COPS9: variants seen among roughly 807,000 people sequenced by gnomAD.
COPS9 encodes the protein COP9 signalosome subunit 9.
A neutral mutation model predicts 7.2 loss-of-function variants in COPS9; 8 were observed. The ratio of observed to expected loss-of-function variants is 1.11; its 90% CI spans 0.65 to 2.00. The LOEUF (loss-of-function observed/expected upper bound fraction) is 2.00. Ranked by LOEUF, COPS9 falls within the 30% of genes most tolerant of loss-of-function variation. The pLI, the probability that COPS9 is intolerant of heterozygous loss-of-function variation, is 0.00. For missense variants in COPS9, 74 were observed against 77.7 expected, an observed-to-expected ratio of 0.95 and a Z score of 0.18; for synonymous variants, 39 against 28.7, an observed-to-expected ratio of 1.36 and a Z score of -1.14.
chr2:240,127,836 A>T (rs1430938188), downstream of COPS9, among the ~76,000 whole-genome samples: 2 of 152,152 alleles, frequency 1.3e-5, no homozygotes, highest in African/African-American at 4.8e-5. Context: ...GGGACCAGGC[A>T]TCCCTCGATC....
downstream of COPS9, among the ~76,000 whole-genome samples, chr2:240,130,412 C>A (rs1178310888): frequency 1.3e-5 from 2 of 152,264 alleles, no homozygotes; most frequent in Admixed American, 6.5e-5. Flanking sequence ...ATGGGCGTTA[C>A]ACTCTCCTTT....
At chr2:240,133,633 C>A (rs934218142) in intron 2 of COPS9, among the ~76,000 whole-genome samples, 1 of 152,220 alleles carries the variant, frequency 6.6e-6, no homozygotes. Flanking sequence ...GGGCCCAGAC[C>A]TGGCTACAGT....
chr2:240,134,706 C>T (rs1434100815), intron 1 of COPS9, among the ~76,000 whole-genome samples: 1 of 152,168 alleles, frequency 6.6e-6, no homozygotes, highest in African/African-American at 2.4e-5. Context: ...GCTGCATGCC[C>T]TTGTTCCCTT....
At chr2:240,126,771 TTTC>T, downstream of COPS9, 1 of 1,614,228 alleles carries the variant, frequency 6.2e-7, no homozygotes. Context: ...CCGTAAACTG[TTTC>T]TTAAGCGTCC....
In COPS9 at chr2:240,134,117, A is replaced by G. The variant is rs1248839439; in HGVS notation, c.64-112T>C. ...AAAAAGAAGATGGGTGAGGGGAAAC[A>G]GGCTCAAGTTGGAGTCAACATTTTA... On this transcript the variant is annotated intron_variant, in intron 1 of 2. Coordinates refer to ENST00000607357, the MANE Select transcript of COPS9 (RefSeq NM_001163424.2). 3.2e-6 allele frequency: 3 copies of G among 951,760 alleles called. No homozygotes were observed. The African/African-American group carries it at 4.9e-5, about 15-fold the overall frequency. The allele number at this position is 951,760 out of a possible 1,614,324, so 59.0% of individuals were successfully genotyped here.
chr2:240,130,726 G>C, downstream of COPS9: 1 of 1,059,510 alleles, frequency 9.4e-7, no homozygotes, highest in Non-Finnish European at 1.2e-6. Flanking sequence ...TTCTCTCAGC[G>C]TGCTGACAGA....
At chr2:240,128,122 C>G (rs943637336), downstream of COPS9, among the ~76,000 whole-genome samples, 2 of 152,216 alleles carry the variant, frequency 1.3e-5, no homozygotes, top group Non-Finnish European at 2.9e-5. Context: ...GCAAAGCGCA[C>G]AGCTCGCAGA....
chr2:240,134,102 T>A (rs1351379011), intron 1 of COPS9, 97 bp from the exon 2 acceptor site: 9 of 1,118,182 alleles, frequency 8.0e-6, no homozygotes, highest in Non-Finnish European at 1.2e-5. Flanking sequence ...AAAAAGAAGA[T>A]GGGTGAGGGG....
At chr2:240,131,841 T>C (rs768578146) in intron 2 of COPS9, among the ~76,000 whole-genome samples, 2 of 152,300 alleles carry the variant, frequency 1.3e-5, no homozygotes, top group African/African-American at 2.4e-5. Flanking sequence ...GTATGAATTA[T>C]GAACTAGAAA....
At chr2:240,135,051 G>A (rs1164788973) in intron 1 of COPS9, among the ~76,000 whole-genome samples, 1 of 152,082 alleles carries the variant, frequency 6.6e-6, no homozygotes, top group East Asian at 1.9e-4. Context: ...AAGTGCTTCG[G>A]GAGCGGGGTG....
intron 1 of COPS9, 115 bp downstream of exon 1, chr2:240,136,107 C>A (rs1169902133): frequency 7.6e-7 from 1 of 1,316,884 alleles, no homozygotes; most frequent in African/African-American, 1.6e-5. Context: ...GGGAGCCGCG[C>A]CCATCGCCCA....
At chr2:240,126,870 C>T (rs1052054525), downstream of COPS9, 2 of 1,614,048 alleles carry the variant, frequency 1.2e-6, no homozygotes, top group Non-Finnish European at 1.7e-6. Flanking sequence ...CGCCTCCGCC[C>T]CCTGCCCATG....
At position 240,132,087 on chromosome 2, in the gene COPS9, C is replaced by A. The variant is rs910331001; in HGVS notation, c.137-999G>T. Among the ~76,000 whole-genome samples the A allele has an allele frequency of 6.6e-6, 1 of 152,208 alleles. No homozygotes were observed. Among genetic ancestry groups the A allele is most frequent in the African/African-American group, 2.4e-5 (1 of 41,452 alleles). On this transcript the variant is annotated intron_variant, in intron 2 of 2. Coordinates refer to ENST00000607357, the MANE Select transcript of COPS9 (RefSeq NM_001163424.2). The surrounding 1 kb of genome is among the most constrained non-coding windows in gnomAD (Gnocchi z 4.1). ...GTCCTGGGCCTGGCTGACTCCACAC[C>A]TTCCGACCTCTGCTCTGCTGCCCCC...
intron 1 of COPS9, 87 bp downstream of exon 1, chr2:240,136,135 C>A: frequency 7.3e-7 from 1 of 1,362,940 alleles, no homozygotes; most frequent in Non-Finnish European, 9.4e-7. Context: ...GGCCTCCCCT[C>A]CCCGGGACCC....
downstream of COPS9, chr2:240,130,824 C>T: frequency 2.9e-6 from 4 of 1,400,996 alleles, no homozygotes; most frequent in Non-Finnish European, 3.7e-6. Context: ...GATCACTCCA[C>T]ATGTGACATT....
downstream of COPS9, chr2:240,130,145 C>T (rs531251499): frequency 3.9e-6 from 3 of 759,658 alleles, no homozygotes; most frequent in Non-Finnish European, 6.4e-6. Flanking sequence ...CTCACCTGGC[C>T]TCCAGTACAA....
intron 1 of COPS9, among the ~76,000 whole-genome samples, chr2:240,134,584 G>C (rs754100102): frequency 1.3e-5 from 2 of 152,172 alleles, no homozygotes; most frequent in Non-Finnish European, 2.9e-5. Flanking sequence ...GTGACAGAGG[G>C]AGCAGATTCC....
chr2:240,134,259 A>C, intron 1 of COPS9: 1 of 472,724 alleles, frequency 2.1e-6, no homozygotes, highest in South Asian at 2.8e-5. Context: ...AAAGAAACCT[A>C]CCACTGACCT....
chr2:240,131,209 TAA>T (rs772312480), intron 2 of COPS9, 121 bp from the exon 3 acceptor site: 116 of 1,176,080 alleles, frequency 9.9e-5, no homozygotes, highest in Non-Finnish European at 1.4e-4. Context: ...TCCAATGAAA[TAA>T]AAGACTTTTC....
Sources: gnomAD v4.1 joint callset for allele counts (sites outside exome capture counted in the v4.1 genomes callset) on GRCh38, gnomAD v4.1.1 for gene constraint, Gnocchi (gnomAD v3.1) non-coding constraint, MANE v1.5 for transcripts, NCBI Gene and HGNC (gene_info 2026-07-23, HGNC 2026-07-21) for gene names.